Variants in VCL observed in about 807,000 individuals in gnomAD.
The protein encoded by VCL is vinculin, also known as epididymis luminal protein 114.
VCL carries 47 observed loss-of-function variants against 125.7 expected under a neutral mutation model. The observed-to-expected ratio is 0.37, with a 90% CI of 0.30 to 0.48. The LOEUF (loss-of-function observed/expected upper bound fraction) is 0.48. VCL is among the 20% of genes least tolerant of loss of function. The probability of loss-of-function intolerance (pLI) is 0.99; values close to 1 mark genes in which losing one functional copy is unlikely to be tolerated. For synonymous variants in VCL, 458 were observed against 514.6 expected (o/e 0.89, Z 1.49); for missense variants, 1,069 against 1,455.5 (o/e 0.73, Z 4.32).
At chr10:74,012,514 C>T (rs1840454318) in intron 1 of VCL, among the ~76,000 whole-genome samples, 1 of 152,178 alleles carries the variant, frequency 6.6e-6, no homozygotes, top group Admixed American at 6.5e-5. Flanking sequence ...TATTATTCTT[C>T]TTAAAGAGTT....
intron 13 of VCL, among the ~76,000 whole-genome samples, chr10:74,100,228 T>C (rs1313556077): frequency 6.6e-6 from 1 of 152,234 alleles, no homozygotes; most frequent in Non-Finnish European, 1.5e-5. Context: ...GATCTCTTGC[T>C]ACTTTAAGTT....
intron 1 of VCL, among the ~76,000 whole-genome samples, chr10:74,016,408 C>T (rs969262304): frequency 6.6e-6 from 1 of 151,716 alleles, no homozygotes; most frequent in Non-Finnish European, 1.5e-5. Context: ...TGTAGAAGTC[C>T]GAGACCAGCC....
In VCL at chr10:74,097,692, G is replaced by T. The variant is rs1170655089; in HGVS notation, c.1872+360G>T. 2.0e-5 allele frequency among the ~76,000 whole-genome samples: 3 copies of T among 152,142 alleles called. No homozygotes were observed. Among genetic ancestry groups the T allele is most frequent in the Non-Finnish European group, 4.4e-5 (3 of 68,024 alleles). ...GGTCATTTTCTCAGGGTGTGGGATG[G>T]CATCATGTTAAATGCAGGAAGAAAT... On this transcript the variant is annotated intron_variant, in intron 13 of 21. Coordinates refer to ENST00000211998, the MANE Select transcript of VCL (RefSeq NM_014000.3). The surrounding 1 kb of genome is among the most constrained non-coding windows in gnomAD (Gnocchi z 4.1).
chr10:74,043,287 C>A, intron 2 of VCL, 134 bp downstream of exon 2: 2 of 778,024 alleles, frequency 2.6e-6, no homozygotes, highest in Non-Finnish European at 4.2e-6. Flanking sequence ...ACTTTTTTGT[C>A]TTCTAACTTT....
intron 19 of VCL, among the ~76,000 whole-genome samples, chr10:74,113,387 C>T (rs550142396): frequency 3.9e-5 from 6 of 152,236 alleles, no homozygotes; most frequent in African/African-American, 7.2e-5. Context: ...CTTTTATTTT[C>T]CTAATGCCTT....
intron 6 of VCL, 102 bp downstream of exon 6, chr10:74,075,005 A>G (rs1353729878): frequency 3.2e-5 from 46 of 1,422,932 alleles, no homozygotes; most frequent in Non-Finnish European, 4.3e-5. Flanking sequence ...TTTTTGTAGC[A>G]TAAGAGTACT....
At chr10:74,025,006 C>T (rs1441472409) in intron 1 of VCL, among the ~76,000 whole-genome samples, 1 of 152,038 alleles carries the variant, frequency 6.6e-6, no homozygotes, top group Non-Finnish European at 1.5e-5. Context: ...AATTGAATCC[C>T]ACTCTCATTT....
chr10:74,114,986 C>T (rs376130127), intron 21 of VCL, 87 bp downstream of exon 21: 42 of 1,240,770 alleles, frequency 3.4e-5, no homozygotes, highest in Admixed American at 2.2e-4. Context: ...AATTTTACCC[C>T]TTAATTGAGT....
chr10:74,110,075 G>T (rs1840197285), intron 18 of VCL, among the ~76,000 whole-genome samples: 1 of 152,014 alleles, frequency 6.6e-6, no homozygotes, highest in South Asian at 2.1e-4. Flanking sequence ...TTTTAACTCT[G>T]TATTTTGCTG....
chr10:74,094,565 T>C, intron 11 of VCL, 104 bp downstream of exon 11: 2 of 1,341,384 alleles, frequency 1.5e-6, no homozygotes, highest in East Asian at 2.5e-5. Flanking sequence ...AAGGGTTCTT[T>C]AGCTGCTGAT....
chr10:74,077,974 A>G (rs1010574280), intron 6 of VCL, among the ~76,000 whole-genome samples: 3 of 152,160 alleles, frequency 2.0e-5, no homozygotes, highest in Non-Finnish European at 2.9e-5. Context: ...AAATTAGGTT[A>G]GCATTTTTTT....
At chr10:74,073,896 G>GTGT (rs2136274789) in intron 5 of VCL, among the ~76,000 whole-genome samples, 1 of 152,274 alleles carries the variant, frequency 6.6e-6, no homozygotes, top group African/African-American at 2.4e-5. Context: ...ACCTGCTTTG[G>GTGT]TGTTTCAAGT....
chr10:74,066,482 G>A (rs192769973), intron 2 of VCL, among the ~76,000 whole-genome samples: 21 of 152,188 alleles, frequency 1.4e-4, no homozygotes, highest in African/African-American at 3.9e-4. Context: ...GTATGATTCC[G>A]CTTAAGTTCC....
chr10:74,015,631 T>G lies in VCL; in HGVS notation c.168+17256T>G, dbSNP rs186700382. ...GTGTAGTAGTTTCTAATATGCCATT[T>G]AATCCATTCACTGCATTTTTAATTT... On this transcript the variant is annotated intron_variant, in intron 1 of 21. Coordinates refer to ENST00000211998, the MANE Select transcript of VCL (RefSeq NM_014000.3). Among the ~76,000 whole-genome samples, 14 of 152,318 alleles carry G rather than the reference T, an allele frequency of 9.2e-5. No individual in the cohort carries two copies. The East Asian group carries it at 2.7e-3, about 29-fold the overall frequency.
rs1840336956 is a variant in VCL at position 74,118,010 on chromosome 10, T to A, written c.3259-13T>A. ...GGGACCCTGGGTAACGGAAAGTACC[T>A]TTTTCCTTGCAGGCCACAGAGATGC... On this transcript the variant is annotated splice_polypyrimidine_tract_variant and intron_variant, in intron 21 of 21. Transcript: ENST00000211998. The A allele has an allele frequency of 4.3e-6, 7 of 1,613,740 alleles. No homozygotes were observed. Among genetic ancestry groups the A allele is most frequent in the Non-Finnish European group, 5.1e-6 (6 of 1,179,916 alleles).
chr10:74,104,787 G>A, intron 15 of VCL: 1 of 497,498 alleles, frequency 2.0e-6, no homozygotes, highest in Middle Eastern at 5.5e-4. Flanking sequence ...TGCATTTCTG[G>A]TTGTCTGGGG....
At chr10:74,083,926 GGC>G in intron 8 of VCL, among the ~76,000 whole-genome samples, 1 of 152,134 alleles carries the variant, frequency 6.6e-6, no homozygotes. Flanking sequence ...GGAGTGCAGT[GGC>G]GCGATCTTGG....
chr10:74,068,293 C>G (rs1293837106), intron 2 of VCL, among the ~76,000 whole-genome samples: 1 of 152,120 alleles, frequency 6.6e-6, no homozygotes, highest in African/African-American at 2.4e-5. Context: ...GGAGGAGGCT[C>G]TTTATGTACT....
At chr10:73,999,615 A>G (rs1225482309) in intron 1 of VCL, among the ~76,000 whole-genome samples, 4 of 152,070 alleles carry the variant, frequency 2.6e-5, no homozygotes, top group Non-Finnish European at 5.9e-5. Flanking sequence ...GGCTTGGGTT[A>G]CTTTTCTGAT....
Sources: allele counts gnomAD v4.1 joint callset (sites outside exome capture counted in the v4.1 genomes callset), GRCh38; gene constraint gnomAD v4.1.1; non-coding constraint Gnocchi (gnomAD v3.1); transcripts MANE v1.5; gene names NCBI Gene and HGNC (gene_info 2026-07-23, HGNC 2026-07-21).